Variants in LGALS8 observed in about 807,000 individuals in gnomAD.
LGALS8 encodes the protein galectin-8.
In LGALS8, 30 loss-of-function variants were observed where a neutral mutation model predicts 35.9. The observed-to-expected ratio is 0.83, with a 90% CI of 0.62 to 1.13. The LOEUF (loss-of-function observed/expected upper bound fraction) is 1.13. Among genes scored for constraint, LGALS8 ranks in the 50% most tolerant of loss-of-function variants. The pLI is 0.00. For synonymous variants in LGALS8, 138 were observed against 136.1 expected (o/e 1.01, Z -0.10); for missense variants, 366 against 388.7 (o/e 0.94, Z 0.49).
At chr1:236,542,252 G>C in intron 6 of LGALS8, 1 of 172,288 alleles carries the variant, frequency 5.8e-6, no homozygotes, top group Admixed American at 5.7e-5. Flanking sequence ...TGGCTGAGGT[G>C]GGGGGATTGC....
At chr1:236,535,125 AAC>A (rs1661400275) in intron 2 of LGALS8, among the ~76,000 whole-genome samples, 1 of 151,820 alleles carries the variant, frequency 6.6e-6, no homozygotes, top group African/African-American at 2.4e-5. Context: ...AGCTCTTTCC[AAC>A]ACTAAAATGA....
chr1:236,536,318 G>A (rs1297061010), intron 2 of LGALS8: 1 of 152,292 alleles, frequency 6.6e-6, no homozygotes, highest in Non-Finnish European at 1.5e-5. Flanking sequence ...AGATGCTCTA[G>A]ATGGAGGCAG....
chr1:236,521,262 G>A (rs554160575), upstream of LGALS8, among the ~76,000 whole-genome samples: 5 of 152,316 alleles, frequency 3.3e-5, no homozygotes, highest in South Asian at 6.2e-4. Context: ...TGTTTTGGGA[G>A]AGTGTTTGCA....
intron 2 of LGALS8, chr1:236,536,454 A>G: frequency 6.6e-6 from 1 of 152,484 alleles, no homozygotes; most frequent in Non-Finnish European, 1.5e-5. Flanking sequence ...TCCCAGAAAA[A>G]AAGGGCTGGG....
At chr1:236,540,341 G>A in intron 4 of LGALS8, 1 of 451,538 alleles carries the variant, frequency 2.2e-6, no homozygotes, top group Non-Finnish European at 3.9e-6. Flanking sequence ...TGTCTGGGGA[G>A]AGACAGTTCC....
At chr1:236,540,539 G>C (rs761664241) in intron 4 of LGALS8, 25 bp from the exon 5 acceptor site, 17 of 1,516,572 alleles carry the variant, frequency 1.1e-5, no homozygotes, top group Admixed American at 2.3e-5. Context: ...TGGCGGGGGG[G>C]GCTCTGTCTT....
At chr1:236,542,736 T>C in intron 6 of LGALS8, 25 bp from the exon 7 acceptor site, 1 of 1,611,296 alleles carries the variant, frequency 6.2e-7, no homozygotes, top group Non-Finnish European at 8.5e-7. Flanking sequence ...TCTAACATTG[T>C]TGTGTTTTGT....
chr1:236,524,114 G>T (rs954982507), intron 1 of LGALS8, 53 bp downstream of exon 1: 6 of 456,402 alleles, frequency 1.3e-5, no homozygotes, highest in African/African-American at 8.0e-5. Flanking sequence ...TAGAGGCGTG[G>T]CTGCTCTGAG....
intron 4 of LGALS8, chr1:236,540,305 C>T (rs1435102236): frequency 4.3e-5 from 16 of 369,226 alleles, no homozygotes; most frequent in African/African-American, 1.5e-4. Flanking sequence ...CACAAGCACA[C>T]GCACATATAC....
chr1:236,527,544 C>G (rs1019606653), intron 2 of LGALS8, among the ~76,000 whole-genome samples: 1 of 151,910 alleles, frequency 6.6e-6, no homozygotes, highest in Non-Finnish European at 1.5e-5. Flanking sequence ...ACAAAAGAGT[C>G]GGAAAGGTTA....
At position 236,539,104 on chromosome 1, in the gene LGALS8, G is replaced by T; in HGVS notation, c.345+15G>T. On this transcript the variant is annotated intron_variant, in intron 4 of 9. Coordinates refer to ENST00000366584, the MANE Select transcript of LGALS8 (RefSeq NM_201544.4). ...ACAAATTCCAGGTAGGTTTTGGAGAGGGACAGGTTGAGTCCTCATTAGTGA... is the reference window on the plus strand; with the variant it reads ...ACAAATTCCAGGTAGGTTTTGGAGATGGACAGGTTGAGTCCTCATTAGTGA... 6.2e-7 allele frequency: 1 copy of T among 1,606,826 alleles called. No individual in the cohort carries two copies. Among genetic ancestry groups the T allele is most frequent in the South Asian group, 1.1e-5 (1 of 90,846 alleles).
chr1:236,544,883 T>G lies in LGALS8; in HGVS notation c.772T>G (p.Ser258Ala). ...GGGAGAAGAAGAGAGAAATATTACCTCTTTCCCATTTAGTCCTGGGATGTA... is the reference window on the plus strand; with the variant it reads ...GGGAGAAGAAGAGAGAAATATTACCGCTTTCCCATTTAGTCCTGGGATGTA... ...SWGEEERNITSFPFSPGMYFE... is the reference protein window; with the variant it reads ...SWGEEERNITAFPFSPGMYFE... Residue 258 changes from serine to alanine, a missense_variant, in exon 9 of 10, where the codon TCT becomes GCT. Transcript: ENST00000366584. 2 of 1,612,980 alleles carry G rather than the reference T, an allele frequency of 1.2e-6. No individual in the cohort carries two copies. The highest frequency in any genetic ancestry group is 1.7e-6 in the Non-Finnish European group (2 of 1,179,494).
At chr1:236,540,473 G>T in intron 4 of LGALS8, 91 bp from the exon 5 acceptor site, 1 of 1,388,890 alleles carries the variant, frequency 7.2e-7, no homozygotes, top group Non-Finnish European at 9.5e-7. Context: ...AAAACTGGAC[G>T]CAAGGAAACA....
intron 1 of LGALS8, chr1:236,518,375 G>A (rs540541842): frequency 2.2e-4 from 33 of 152,280 alleles, no homozygotes; most frequent in African/African-American, 7.2e-4. Context: ...GGGTGTAGGG[G>A]AGATTAGGTC....
At chr1:236,520,538 C>T (rs1049768579), upstream of LGALS8, among the ~76,000 whole-genome samples, 9 of 152,256 alleles carry the variant, frequency 5.9e-5, no homozygotes, top group African/African-American at 1.9e-4. Flanking sequence ...TTTCTCAACA[C>T]ACTTCAGAGT....
chr1:236,519,993 G>A (rs1272196389), upstream of LGALS8, among the ~76,000 whole-genome samples: 2 of 91,664 alleles, frequency 2.2e-5, no homozygotes, highest in African/African-American at 8.6e-5. Flanking sequence ...GTTTCACTCT[G>A]TTGCCCAGGC....
At chr1:236,543,090 A>G (rs1180844880) in intron 7 of LGALS8, 1 of 1,536,234 alleles carries the variant, frequency 6.5e-7, no homozygotes, top group Non-Finnish European at 9.0e-7. Context: ...TTAAGTTGTA[A>G]TGAGCTGTTA....
At chr1:236,536,301 C>T (rs1453182327) in intron 2 of LGALS8, 1 of 152,206 alleles carries the variant, frequency 6.6e-6, no homozygotes, top group African/African-American at 2.4e-5. Context: ...GGCTGTACAT[C>T]CTGGTCAGAT....
rs983559481 is a variant in LGALS8, at chr1:236,524,471, T to A, written c.-104+410T>A. The A allele has an allele frequency of 3.3e-5, 15 of 456,180 alleles. 1 individual carries two copies. Among genetic ancestry groups the A allele is most frequent in the African/African-American group, 1.2e-4 (6 of 50,074 alleles). 28.3% of individuals were successfully genotyped at this position (456,180 alleles called of 1,614,324 possible). On this transcript the variant is annotated intron_variant, in intron 1 of 9. Coordinates refer to ENST00000366584, the MANE Select transcript of LGALS8 (RefSeq NM_201544.4). ...ATCTGGGGAAGTTTCCTTCCCGGAA[T>A]TTGTAGTGACAGTGGAGTGACCTCC...
Sources: allele counts gnomAD v4.1 joint callset (sites outside exome capture counted in the v4.1 genomes callset), GRCh38; gene constraint gnomAD v4.1.1; transcripts MANE v1.5; gene names NCBI Gene and HGNC (gene_info 2026-07-23, HGNC 2026-07-21).